The following MAPK9 variants were observed in gnomAD, a reference collection of about 807,000 sequenced individuals.
MAPK9 encodes the protein mitogen-activated protein kinase 9.
In MAPK9, 30 loss-of-function variants were observed where a neutral mutation model predicts 57.1. The ratio of observed to expected loss-of-function variants is 0.53; its 90% CI spans 0.39 to 0.71. The LOEUF (loss-of-function observed/expected upper bound fraction) is 0.71, where lower values mean the gene tolerates loss of function less well. MAPK9 is among the 30% of genes least tolerant of loss of function. The pLI, the probability that MAPK9 is intolerant of heterozygous loss-of-function variation, is 0.00. For synonymous variants in MAPK9, 155 were observed against 177.0 expected (o/e 0.88, Z 0.99); for missense variants, 362 against 521.0 (o/e 0.69, Z 2.97).
chr5:180,275,121 G>A (rs1761696505), intron 2 of MAPK9, among the ~76,000 whole-genome samples: 1 of 152,064 alleles, frequency 6.6e-6, no homozygotes, highest in African/African-American at 2.4e-5. Flanking sequence ...CTATGGATCT[G>A]TTTCTTTTGT....
intron 2 of MAPK9, among the ~76,000 whole-genome samples, chr5:180,278,203 CA>C (rs1205747689): frequency 6.6e-6 from 1 of 152,254 alleles, no homozygotes; most frequent in Non-Finnish European, 1.5e-5. Context: ...CAAAGGCCCA[CA>C]GCTTGTTTTG....
At chr5:180,246,236 T>C (rs755750813) in intron 7 of MAPK9, 17 of 152,170 alleles carry the variant, frequency 1.1e-4, no homozygotes. Context: ...TAAGTTTACT[T>C]GCAAAATAAA....
At chr5:180,251,276 A>T (rs934848851) in intron 5 of MAPK9, among the ~76,000 whole-genome samples, 1 of 152,136 alleles carries the variant, frequency 6.6e-6, no homozygotes, top group African/African-American at 2.4e-5. Context: ...CAGCCCACCC[A>T]GAACTAACAG....
intron 3 of MAPK9, among the ~76,000 whole-genome samples, chr5:180,268,744 A>G (rs1262081270): frequency 5.3e-5 from 8 of 151,422 alleles, no homozygotes; most frequent in East Asian, 1.9e-4. Context: ...GGAAAATGGC[A>G]TGAACCCGGG....
Position 180,234,036 on chromosome 5 carries a change from G to C in MAPK9, c.*2348C>G, listed in dbSNP as rs1757008447. On this transcript the variant is annotated 3_prime_UTR_variant, in exon 12 of 12. Transcript: ENST00000452135. The stretch of plus-strand genomic sequence containing the variant: ...GCCCTTGAAACTGAGACCTGGACAT[G>C]GGGGAGACAGTCGTTTCCTTCTTGG... 2 of 152,296 alleles carry C rather than the reference G, an allele frequency of 1.3e-5. No homozygotes were observed. The highest frequency in any genetic ancestry group is 2.1e-4 in the South Asian group (1 of 4,818). 9.4% of individuals were successfully genotyped at this position (152,296 alleles called of 1,614,324 possible).
intron 3 of MAPK9, among the ~76,000 whole-genome samples, chr5:180,266,332 G>A (rs1422422578): frequency 1.6e-5 from 2 of 121,622 alleles, no homozygotes; most frequent in East Asian, 4.6e-4. Flanking sequence ...TTTTTTTTTT[G>A]AGATGGAGTT....
chr5:180,270,209 A>C (rs1436763032), intron 2 of MAPK9, among the ~76,000 whole-genome samples: 1 of 152,228 alleles, frequency 6.6e-6, no homozygotes, highest in African/African-American at 2.4e-5. Flanking sequence ...CCACCTGAGA[A>C]CCTAAGCACT....
chr5:180,275,458 T>C (rs1761726267), intron 2 of MAPK9, among the ~76,000 whole-genome samples: 1 of 152,140 alleles, frequency 6.6e-6, no homozygotes, highest in African/African-American at 2.4e-5. Context: ...CCACACAATA[T>C]TAGAGGGCCC....
chr5:180,257,499 C>T (rs545317936), intron 5 of MAPK9, among the ~76,000 whole-genome samples: 4 of 152,328 alleles, frequency 2.6e-5, no homozygotes, highest in African/African-American at 7.2e-5. Flanking sequence ...CCAGGGAATG[C>T]TAAGAATATC....
intron 1 of MAPK9, among the ~76,000 whole-genome samples, chr5:180,289,137 G>A (rs577604978): frequency 1.3e-5 from 2 of 152,292 alleles, no homozygotes; most frequent in African/African-American, 4.8e-5. Context: ...TCTGGTCTCT[G>A]TTTTATCTTA....
intron 5 of MAPK9, among the ~76,000 whole-genome samples, chr5:180,250,625 A>G (rs1758573052): frequency 6.6e-6 from 1 of 152,126 alleles, no homozygotes; most frequent in Admixed American, 6.5e-5. Context: ...GGCAAGCAGG[A>G]AGCCATTTCG....
intron 3 of MAPK9, 68 bp from the exon 4 acceptor site, chr5:180,264,907 T>C (rs1760367899): frequency 7.1e-6 from 9 of 1,269,680 alleles, no homozygotes; most frequent in East Asian, 2.8e-5. Flanking sequence ...AAGTTTAATA[T>C]TGAAATGCAT....
rs951426003 is a variant in MAPK9 at position 180,234,831 on chromosome 5, T to C, written c.*1553A>G. On this transcript the variant is annotated 3_prime_UTR_variant, in exon 12 of 12. Transcript: ENST00000452135. ...CCAGTGATATGACCAACCAATAAGA[T>C]ATAACTGGTGCAGAGAGAGCCATAT... 3.3e-5 allele frequency: 5 copies of C among 152,194 alleles called. No homozygotes were observed. Among genetic ancestry groups the C allele is most frequent in the African/African-American group, 9.7e-5 (4 of 41,430 alleles). 9.4% of individuals were successfully genotyped at this position (152,194 alleles called of 1,614,324 possible).
Position 180,247,673 on chromosome 5 carries a change from G to T in MAPK9, c.617-163C>A. ...TGAATGATTGCTGACCTCTATTTTA[G>T]CCTTCGGTTTGTAGCAATCTGGGGT... is the stretch of plus-strand genomic sequence containing the variant. On this transcript the variant is annotated intron_variant, in intron 6 of 11. Coordinates refer to ENST00000452135, the MANE Select transcript of MAPK9 (RefSeq NM_002752.5). The surrounding 1 kb of genome is among the most constrained non-coding windows in gnomAD (Gnocchi z 4.5). 1 of 934,912 alleles carries T rather than the reference G, an allele frequency of 1.1e-6. No individual in the cohort carries two copies. Among genetic ancestry groups the T allele is most frequent in the Non-Finnish European group, 1.7e-6 (1 of 590,176 alleles). The allele number at this position is 934,912 out of a possible 1,614,324, so 57.9% of individuals were successfully genotyped here.
intron 1 of MAPK9, among the ~76,000 whole-genome samples, chr5:180,289,798 C>A (rs923227175): frequency 6.6e-6 from 1 of 152,152 alleles, no homozygotes; most frequent in East Asian, 1.9e-4. Context: ...TGGCTCACAG[C>A]ATTAAAAAAA....
At chr5:180,241,248 A>G in intron 8 of MAPK9, 93 bp from the exon 9 acceptor site, 1 of 1,248,404 alleles carries the variant, frequency 8.0e-7, no homozygotes, top group Non-Finnish European at 1.1e-6. Context: ...CAGATAGAAC[A>G]AAGATATATT....
intron 11 of MAPK9, chr5:180,237,934 C>T (rs541205293): frequency 2.7e-4 from 42 of 156,654 alleles, no homozygotes; most frequent in African/African-American, 8.4e-4. Context: ...GTCAGGAGAT[C>T]GAGACCAGCT....
intron 2 of MAPK9, among the ~76,000 whole-genome samples, chr5:180,279,304 T>C (rs1274371246): frequency 6.6e-6 from 1 of 152,204 alleles, no homozygotes; most frequent in East Asian, 1.9e-4. Context: ...CGATACAGCA[T>C]GTGTCATCAG....
chr5:180,271,902 T>C (rs774134861), intron 2 of MAPK9, among the ~76,000 whole-genome samples: 1 of 152,238 alleles, frequency 6.6e-6, no homozygotes, highest in Non-Finnish European at 1.5e-5. Context: ...TAATAAATAA[T>C]AGATTTTATT....
Sources: allele counts gnomAD v4.1 joint callset (sites outside exome capture counted in the v4.1 genomes callset), GRCh38; gene constraint gnomAD v4.1.1; non-coding constraint Gnocchi (gnomAD v3.1); transcripts MANE v1.5; gene names NCBI Gene and HGNC (gene_info 2026-07-23, HGNC 2026-07-21).